Variants in NAA60 observed in about 807,000 individuals in gnomAD.
The protein encoded by NAA60 is N-alpha-acetyltransferase 60.
A neutral mutation model predicts 26.1 loss-of-function variants in NAA60; 8 were observed. The observed-to-expected ratio is 0.31, with a 90% CI of 0.18 to 0.55. NAA60 has a LOEUF of 0.55. Among genes scored for constraint, NAA60 ranks in the 20% least tolerant of loss-of-function variants. NAA60 has a pLI of 0.93. For synonymous variants in NAA60, 131 were observed against 122.5 expected, an observed-to-expected ratio of 1.07 and a Z score of -0.46; for missense variants, 290 against 311.3, an observed-to-expected ratio of 0.93 and a Z score of 0.51.
intron 2 of NAA60, among the ~76,000 whole-genome samples, chr16:3,460,344 G>T (rs536076078): frequency 6.6e-6 from 1 of 152,072 alleles, no homozygotes; most frequent in Admixed American, 6.6e-5. Flanking sequence ...ATGACTGTTT[G>T]TTTGTTTTTG....
intron 2 of NAA60, 114 bp downstream of exon 2, chr16:3,448,654 TA>T: frequency 1.2e-6 from 1 of 840,278 alleles, no homozygotes; most frequent in Non-Finnish European, 1.8e-6. Flanking sequence ...TCTTAATTTT[TA>T]GTACTGAATG....
chr16:3,480,530 G>C (rs2036760259), intron 4 of NAA60, among the ~76,000 whole-genome samples: 1 of 151,718 alleles, frequency 6.6e-6, no homozygotes, highest in Non-Finnish European at 1.5e-5. Flanking sequence ...CCACGAGGCA[G>C]AGGTTGCAGT....
intron 4 of NAA60, 98 bp downstream of exon 4, chr16:3,479,698 T>TCCAAGGAGCCTGTGAC: frequency 7.0e-7 from 1 of 1,427,028 alleles, no homozygotes; most frequent in Non-Finnish European, 9.5e-7. Flanking sequence ...ACAGCCGTCG[T>TCCAAGGAGCCTGTGAC]CCAAGGAGCC....
intron 2 of NAA60, among the ~76,000 whole-genome samples, chr16:3,457,713 G>C (rs565653932): frequency 1.3e-5 from 2 of 152,352 alleles, no homozygotes; most frequent in Admixed American, 1.3e-4. Context: ...GGCCTGTGCG[G>C]GGGGGCCACT....
intron 2 of NAA60, among the ~76,000 whole-genome samples, chr16:3,471,892 T>C (rs2036171200): frequency 6.6e-6 from 1 of 152,136 alleles, no homozygotes; most frequent in African/African-American, 2.4e-5. Context: ...GAGCTGTCTC[T>C]GGAAAGGCTG....
At chr16:3,458,046 C>T (rs2035094565) in intron 2 of NAA60, 3 of 985,152 alleles carry the variant, frequency 3.0e-6, no homozygotes, top group East Asian at 1.1e-4. Flanking sequence ...CGGGCTGCCG[C>T]CTCCGTCCCG....
At chr16:3,473,185 C>T (rs537592366) in intron 2 of NAA60, among the ~76,000 whole-genome samples, 89 of 152,170 alleles carry the variant, frequency 5.8e-4, no homozygotes, top group Middle Eastern at 3.4e-3. Flanking sequence ...ACAGGCACAC[C>T]ACCACGCCTG....
chr16:3,451,237 C>A (rs2034770892), intron 2 of NAA60, among the ~76,000 whole-genome samples: 1 of 152,226 alleles, frequency 6.6e-6, no homozygotes, highest in Non-Finnish European at 1.5e-5. Flanking sequence ...GCCTCCATTT[C>A]ACTTGCACGC....
chr16:3,460,298 A>C (rs760967373), intron 2 of NAA60, among the ~76,000 whole-genome samples: 2 of 152,130 alleles, frequency 1.3e-5, no homozygotes, highest in Non-Finnish European at 2.9e-5. Context: ...TATCTCCCCT[A>C]TCCATCTCTT....
chr16:3,450,664 C>T (rs1383338169), intron 2 of NAA60, among the ~76,000 whole-genome samples: 1 of 138,126 alleles, frequency 7.2e-6, no homozygotes, highest in Non-Finnish European at 1.5e-5. Context: ...CGTGCCACTG[C>T]ACTCCAGCCT....
Position 3,484,975 on chromosome 16 carries a change from C to T in NAA60, c.*120C>T, listed in dbSNP as rs911632807. Reference sequence around the variant, plus strand: ...CTGCCAGCCATCTAACTGGGCTCGTCGGCCTGCCCCAGCTGCAGGCCCGGT... The same window carrying T: ...CTGCCAGCCATCTAACTGGGCTCGTTGGCCTGCCCCAGCTGCAGGCCCGGT... On this transcript the variant is annotated 3_prime_UTR_variant, in exon 7 of 8. Transcript: ENST00000407558. 3.9e-5 allele frequency: 59 copies of T among 1,528,908 alleles called. No homozygotes were observed. Among genetic ancestry groups the T allele is most frequent in the Non-Finnish European group, 4.8e-5 (55 of 1,140,078 alleles). The allele number at this position is 1,528,908 out of a possible 1,614,324, so 94.7% of individuals were successfully genotyped here. A position where few individuals can be genotyped will look rare whatever the true frequency, so the allele number is the denominator to read the frequency against.
chr16:3,447,558 T>C, intron 1 of NAA60: 1 of 985,434 alleles, frequency 1.0e-6, no homozygotes, highest in Non-Finnish European at 1.2e-6. Context: ...GTATCCTTCA[T>C]GGGAAGTTGA....
At chr16:3,457,088 A>T (rs1475638655) in intron 2 of NAA60, among the ~76,000 whole-genome samples, 6 of 152,156 alleles carry the variant, frequency 3.9e-5, no homozygotes, top group Non-Finnish European at 8.8e-5. Flanking sequence ...CACCACACCC[A>T]GCCAAGACTC....
At chr16:3,467,549 G>C (rs556335712) in intron 2 of NAA60, 2 of 152,384 alleles carry the variant, frequency 1.3e-5, no homozygotes, top group Non-Finnish European at 2.9e-5. Context: ...CAAGGAGAGA[G>C]GGCACTAGGA....
At chr16:3,483,006 A>C (rs1836220467) in intron 5 of NAA60, 1 of 469,202 alleles carries the variant, frequency 2.1e-6, no homozygotes, top group Non-Finnish European at 3.9e-6. Context: ...CCACTCGGCC[A>C]CACGGCCAGT....
In NAA60 at chr16:3,473,938, T is replaced by C. The variant is rs143001867; in HGVS notation, c.-6-2284T>C. On this transcript the variant is annotated intron_variant, in intron 2 of 7. Coordinates refer to ENST00000407558, the MANE Select transcript of NAA60 (RefSeq NM_001083601.3). ...TTGTAGAGACAGGGTTTTATCATGT[T>C]GGCCAGGCTGGTCTTGAACTACTGA... is the stretch of plus-strand genomic sequence containing the variant. Among the ~76,000 whole-genome samples, 828 of 152,246 alleles carry C rather than the reference T, an allele frequency of 5.4e-3. 12 individuals are homozygous for C. Among genetic ancestry groups the C allele is most frequent in the African/African-American group, 0.019 (795 of 41,530 alleles).
chr16:3,460,346 T>A (rs2035302386), intron 2 of NAA60, among the ~76,000 whole-genome samples: 1 of 152,082 alleles, frequency 6.6e-6, no homozygotes, highest in South Asian at 2.1e-4. Context: ...GACTGTTTGT[T>A]TGTTTTTGTT....
At chr16:3,458,512 G>C (rs1000306129) in intron 2 of NAA60, among the ~76,000 whole-genome samples, 1 of 152,200 alleles carries the variant, frequency 6.6e-6, no homozygotes, top group African/African-American at 2.4e-5. Context: ...GCAACTAGAG[G>C]GTGGTCCTCA....
At chr16:3,469,754 A>G (rs1469611498) in intron 2 of NAA60, among the ~76,000 whole-genome samples, 6 of 152,226 alleles carry the variant, frequency 3.9e-5, no homozygotes, top group Non-Finnish European at 5.9e-5. Flanking sequence ...CTGCAGGGCA[A>G]TGGAAGATGA....
Sources: allele counts gnomAD v4.1 joint callset (sites outside exome capture counted in the v4.1 genomes callset), GRCh38; gene constraint gnomAD v4.1.1; transcripts MANE v1.5; gene names NCBI Gene and HGNC (gene_info 2026-07-23, HGNC 2026-07-21).